The following USP54 variants were observed in gnomAD, a reference collection of about 807,000 sequenced individuals.
The protein encoded by USP54 is ubiquitin specific peptidase 54.
A neutral mutation model predicts 170.5 loss-of-function variants in USP54; 87 were observed. The observed-to-expected ratio is 0.51, with a 90% CI of 0.43 to 0.61. The LOEUF (loss-of-function observed/expected upper bound fraction) is 0.61. Among genes scored for constraint, USP54 ranks in the 20% least tolerant of loss-of-function variants. The pLI is 0.00. For missense variants in USP54, 1,786 were observed against 2,047.8 expected, an observed-to-expected ratio of 0.87 and a Z score of 2.47; for synonymous variants, 655 against 742.8, an observed-to-expected ratio of 0.88 and a Z score of 1.92.
At position 73,517,639 on chromosome 10, in the gene USP54, G is replaced by A; in HGVS notation, c.2787C>T (p.Cys929=). Reference sequence around the variant, plus strand: ...GAGATAGTGATGAGTGTGACTCATGGCAGGAAGCAGGTGAATGGAAGAAAG... The same window carrying A: ...GAGATAGTGATGAGTGTGACTCATGACAGGAAGCAGGTGAATGGAAGAAAG... The part of the protein sequence containing the change: ...ASSFFHSPAS[C]HESHSSLSPE... Residue 929 remains cysteine (C), a synonymous_variant, in exon 20 of 24, where the codon TGC becomes TGT. Transcript: ENST00000687698. 1 of 1,614,222 alleles carries A rather than the reference G, an allele frequency of 6.2e-7. No homozygotes were observed. Among genetic ancestry groups the A allele is most frequent in the Non-Finnish European group, 8.5e-7 (1 of 1,180,040 alleles).
Position 73,504,984 on chromosome 10 carries a change from G to A in USP54, c.4177C>T (p.Pro1393Ser), listed in dbSNP as rs1405031229. The change falls in exon 22 of 24, where the codon CCT (proline) becomes TCT (serine). Residue 1393 changes from proline (P) to serine (S), a missense_variant. Physicochemically the swap from Pro to Ser is moderately conservative, Grantham distance 74. Around this residue, in one of 3 missense-constraint regions of USP54, gnomAD observed 1,418 missense variants for 1,569.0 expected, o/e 0.90. Transcript: ENST00000687698. ...ARTVRTSQAT[P>S]CRGLSRECGE... Reference sequence around the variant, plus strand: ...CACTCCCTGCTGAGGCCTCGGCAAGGTGTAGCCTTCAAACACACAGACACA... The same window carrying A: ...CACTCCCTGCTGAGGCCTCGGCAAGATGTAGCCTTCAAACACACAGACACA... 1.5e-5 allele frequency: 24 copies of A among 1,614,098 alleles called. No homozygotes were observed. The highest frequency in any genetic ancestry group is 1.9e-5 in the Non-Finnish European group (23 of 1,180,014).
In USP54 at chr10:73,519,806, T is replaced by C. The variant is rs769615440; in HGVS notation, c.2669A>G (p.Gln890Arg). The C allele has an allele frequency of 1.9e-6, 3 of 1,613,946 alleles. No homozygotes were observed. The highest frequency in any genetic ancestry group is 2.5e-6 in the Non-Finnish European group (3 of 1,179,908). ...GGTTCCCAAGCACTACCTTGTTGGC[T>C]GAGAGAGAGTCCCCGCCTGTGTTGG... Reference protein sequence around the residue: ...CLPTQAGTLSQPTSEQPIPLQ... With the variant: ...CLPTQAGTLSRPTSEQPIPLQ... Residue 890 changes from glutamine to arginine, a missense_variant, in exon 19 of 24, where the codon CAG (glutamine) becomes CGG (arginine). Transcript: ENST00000687698.
At chr10:73,620,295 A>C (rs1280047085) in intron 1 of USP54, among the ~76,000 whole-genome samples, 1 of 148,006 alleles carries the variant, frequency 6.8e-6, no homozygotes, top group Non-Finnish European at 1.5e-5. Context: ...CCTGGGCGAC[A>C]GAGCGAGACT....
chr10:73,575,759 A>G, intron 2 of USP54, 39 bp downstream of exon 2: 1 of 1,367,428 alleles, frequency 7.3e-7, no homozygotes, highest in Non-Finnish European at 9.7e-7. Flanking sequence ...GGAATCCAGA[A>G]TTTAGTGAAT....
upstream of USP54, among the ~76,000 whole-genome samples, chr10:73,595,217 A>C (rs1169546341): frequency 2.6e-5 from 4 of 151,622 alleles, no homozygotes; most frequent in African/African-American, 9.7e-5. Flanking sequence ...TGAGCCACCA[A>C]GCCCCACTGG....
intron 1 of USP54, among the ~76,000 whole-genome samples, chr10:73,600,484 A>C (rs2079080531): frequency 6.6e-6 from 1 of 152,224 alleles, no homozygotes; most frequent in African/African-American, 2.4e-5. Context: ...TAAATGGTAC[A>C]TCAGGTCAAT....
At chr10:73,613,650 G>A (rs2080349751) in intron 1 of USP54, among the ~76,000 whole-genome samples, 1 of 152,010 alleles carries the variant, frequency 6.6e-6, no homozygotes, top group Non-Finnish European at 1.5e-5. Context: ...GGCTGAGGCA[G>A]GCCGACCACC....
chr10:73,585,804 C>T (rs569111137), intron 1 of USP54, among the ~76,000 whole-genome samples: 254 of 152,254 alleles, frequency 1.7e-3, no homozygotes, highest in Non-Finnish European at 2.5e-3. Context: ...GGGCAGATCA[C>T]GAGGTCAAGA....
intron 1 of USP54, among the ~76,000 whole-genome samples, chr10:73,590,579 ATT>A (rs372530341): frequency 4.6e-5 from 7 of 152,324 alleles, no homozygotes; most frequent in African/African-American, 1.7e-4. Context: ...TGAAAGTGAT[ATT>A]TGACTCAATC....
At chr10:73,573,512 C>T (rs2075594255) in intron 3 of USP54, among the ~76,000 whole-genome samples, 1 of 152,020 alleles carries the variant, frequency 6.6e-6, no homozygotes, top group Admixed American at 6.6e-5. Context: ...GCCTGTAAGC[C>T]CAGCACTTTG....
chr10:73,574,772 T>C (rs2075843794), intron 3 of USP54, among the ~76,000 whole-genome samples: 1 of 148,390 alleles, frequency 6.7e-6, no homozygotes, highest in South Asian at 2.1e-4. Flanking sequence ...GGCAGTAGGA[T>C]CACCTGAGCC....
Position 73,519,835 on chromosome 10 carries a change from GC to G in USP54, c.2639del (p.Cys880SerfsTer24), listed in dbSNP as rs2061633712. On this transcript the variant is annotated frameshift_variant, in exon 19 of 24. Transcript: ENST00000687698. LOFTEE classifies it high-confidence loss of function. Reference protein sequence around the residue: ...SPQQPSQPSACLPTQAGTLSQ... With the variant: ...SPQQPSQPSAXLPTQAGTLSQ... The stretch of plus-strand genomic sequence containing the variant: ...AGAGAGTCCCCGCCTGTGTTGGGAG[GC>G]AGGCTGAGGGCTGCGACGGCTGCTG... 1 of 1,613,926 alleles carries G rather than the reference GC, an allele frequency of 6.2e-7. No homozygotes were observed. The highest frequency in any genetic ancestry group is 1.7e-5 in the Admixed American group (1 of 59,992).
rs867158970 is a variant in USP54, at chr10:73,522,609, G to A, written c.2362+974C>T. Among the ~76,000 whole-genome samples, 5 of 152,092 alleles carry A rather than the reference G, an allele frequency of 3.3e-5. No homozygotes were observed. In the Middle Eastern group the frequency reaches 0.014, roughly 417 times the overall value. On this transcript the variant is annotated intron_variant, in intron 17 of 23. Coordinates refer to ENST00000687698, the MANE Select transcript of USP54 (RefSeq NM_001391956.1). ...GGGACACCAATGTGATACAGCTTGA[G>A]GTCAAAAAGGGAAAAAAGACTATCC...
chr10:73,557,413 C>G (rs1419010883), intron 4 of USP54, among the ~76,000 whole-genome samples: 1 of 151,970 alleles, frequency 6.6e-6, no homozygotes, highest in Non-Finnish European at 1.5e-5. Flanking sequence ...CACCACCTCC[C>G]AGGTTCAAGT....
intron 1 of USP54, among the ~76,000 whole-genome samples, chr10:73,602,592 C>T (rs1290028388): frequency 3.3e-5 from 5 of 150,688 alleles, no homozygotes; most frequent in African/African-American, 4.9e-5. Context: ...GGCACTGTGG[C>T]TCATGCCTAT....
chr10:73,539,010 G>A (rs529805545), intron 10 of USP54, among the ~76,000 whole-genome samples: 21 of 152,232 alleles, frequency 1.4e-4, no homozygotes, highest in African/African-American at 5.1e-4. Context: ...GCCGGGCACA[G>A]TGGCTCATGC....
intron 4 of USP54, among the ~76,000 whole-genome samples, chr10:73,553,037 CTG>C (rs2069949139): frequency 6.6e-6 from 1 of 152,122 alleles, no homozygotes; most frequent in Non-Finnish European, 1.5e-5. Flanking sequence ...CTTCTCCATT[CTG>C]TTTCTCCCAC....
At chr10:73,618,926 G>C (rs2080869031) in intron 1 of USP54, among the ~76,000 whole-genome samples, 1 of 149,282 alleles carries the variant, frequency 6.7e-6, no homozygotes, top group Non-Finnish European at 1.5e-5. Context: ...AAATTTTTTT[G>C]GTAGAGGCCA....
At chr10:73,527,498 CAAAAAA>C (rs931778033) in intron 15 of USP54, among the ~76,000 whole-genome samples, 2 of 52,146 alleles carry the variant, frequency 3.8e-5, no homozygotes, top group South Asian at 6.1e-4. Flanking sequence ...CACTCCATCT[CAAAAAA>C]AAAAAAAAAA....
Sources: gnomAD v4.1 joint callset for allele counts (sites outside exome capture counted in the v4.1 genomes callset) on GRCh38, gnomAD v4.1.1 for gene constraint, gnomAD v4.1.1 regional missense constraint, MANE v1.5 for transcripts, NCBI Gene and HGNC (gene_info 2026-07-23, HGNC 2026-07-21) for gene names.